DGKB: variants seen among roughly 807,000 people sequenced by gnomAD.
DGKB encodes 90 kDa diacylglycerol kinase.
DGKB carries 67 observed loss-of-function variants against 114.3 expected under a neutral mutation model. The ratio of observed to expected loss-of-function variants is 0.59; its 90% CI spans 0.48 to 0.72. The LOEUF is 0.72. Ranked by LOEUF, DGKB falls within the 30% of genes least tolerant of loss-of-function variation. DGKB has a pLI of 0.00. For missense variants in DGKB, 907 were observed against 975.2 expected (o/e 0.93, Z 0.93); for synonymous variants, 398 against 323.1 (o/e 1.23, Z -2.49).
At chr7:14,963,608 C>T (rs539791385) in intron 1 of DGKB, among the ~76,000 whole-genome samples, 3 of 152,250 alleles carry the variant, frequency 2.0e-5, no homozygotes, top group East Asian at 3.9e-4. Flanking sequence ...TGGTCGTCTG[C>T]CTGTTGAGAA....
At chr7:14,821,633 A>G (rs1287038882) in intron 2 of DGKB, among the ~76,000 whole-genome samples, 2 of 152,224 alleles carry the variant, frequency 1.3e-5, no homozygotes, top group African/African-American at 4.8e-5. Context: ...TGGGTTTGAA[A>G]GGTGGGCCAG....
chr7:14,244,038 A>AGAGAGAGAGAGAGAGG (rs772095828), intron 23 of DGKB, among the ~76,000 whole-genome samples: 36 of 139,466 alleles, frequency 2.6e-4, no homozygotes, highest in Non-Finnish European at 5.8e-4. Context: ...AGAGAGAGAC[A>AGAGAGAGAGAGAGAGG]GAGAGAGAGA....
At chr7:14,258,943 C>G (rs903433015) in intron 23 of DGKB, among the ~76,000 whole-genome samples, 14 of 152,082 alleles carry the variant, frequency 9.2e-5, no homozygotes, top group African/African-American at 3.4e-4. Flanking sequence ...AAAATTTTGA[C>G]TCTTAAAGCC....
chr7:14,763,659 A>C (rs1836030476), intron 2 of DGKB, among the ~76,000 whole-genome samples: 1 of 152,080 alleles, frequency 6.6e-6, no homozygotes, highest in South Asian at 2.1e-4. Flanking sequence ...AAGAATGTAC[A>C]GTAGTGATTC....
At chr7:14,357,087 A>G (rs1187508252) in intron 21 of DGKB, among the ~76,000 whole-genome samples, 1 of 152,200 alleles carries the variant, frequency 6.6e-6, no homozygotes, top group Non-Finnish European at 1.5e-5. Flanking sequence ...TTTGGGGTGC[A>G]GAGTTCTGTG....
intron 2 of DGKB, among the ~76,000 whole-genome samples, chr7:14,792,510 C>T (rs2128021094): frequency 1.3e-5 from 2 of 152,120 alleles, no homozygotes; most frequent in Non-Finnish European, 2.9e-5. Flanking sequence ...CTGCTTTGGG[C>T]AAAATGAATC....
intron 13 of DGKB, 77 bp from the exon 14 acceptor site, chr7:14,630,345 A>C (rs1809458736): frequency 1.0e-6 from 1 of 1,000,700 alleles, no homozygotes; most frequent in Admixed American, 3.2e-5. Context: ...TTCTCATATC[A>C]TTACATGCCT....
chr7:14,150,084 A>G (rs1781963297), intron 25 of DGKB, among the ~76,000 whole-genome samples: 1 of 152,174 alleles, frequency 6.6e-6, no homozygotes, highest in Non-Finnish European at 1.5e-5. Context: ...TTTAAGATAC[A>G]TTGTAAGATA....
chr7:14,305,610 G>C (rs994688304), intron 23 of DGKB, among the ~76,000 whole-genome samples: 14 of 152,120 alleles, frequency 9.2e-5, no homozygotes, highest in African/African-American at 3.4e-4. Context: ...TTTATTTATA[G>C]TTCTAGTGGC....
At chr7:14,358,031 C>A (rs761806979) in intron 21 of DGKB, among the ~76,000 whole-genome samples, 1 of 152,070 alleles carries the variant, frequency 6.6e-6, no homozygotes, top group African/African-American at 2.4e-5. Context: ...TACATTTTTT[C>A]CTTCATTTCA....
chr7:14,816,623 T>C (rs998480884), intron 2 of DGKB: 4 of 152,152 alleles, frequency 2.6e-5, no homozygotes, highest in African/African-American at 9.7e-5. Context: ...AATCTTAATT[T>C]TCTTGGTTGA....
chr7:14,604,752 A>G (rs1209366134), intron 17 of DGKB, among the ~76,000 whole-genome samples: 2 of 152,114 alleles, frequency 1.3e-5, no homozygotes, highest in Non-Finnish European at 2.9e-5. Flanking sequence ...GGGAGGATTC[A>G]CAAGTGAGCA....
chr7:14,624,238 G>C (rs999238843), intron 14 of DGKB, among the ~76,000 whole-genome samples: 4 of 152,092 alleles, frequency 2.6e-5, no homozygotes, highest in African/African-American at 9.7e-5. Context: ...TGGTGAGTGT[G>C]GAAATAATTT....
chr7:14,854,180 A>C (rs927019110), intron 1 of DGKB, among the ~76,000 whole-genome samples: 6 of 152,136 alleles, frequency 3.9e-5, no homozygotes, highest in African/African-American at 1.2e-4. Context: ...TTAGCCATAC[A>C]CTCTGAACTG....
intron 20 of DGKB, among the ~76,000 whole-genome samples, chr7:14,552,572 C>T (rs1795251634): frequency 6.6e-6 from 1 of 152,108 alleles, no homozygotes; most frequent in South Asian, 2.1e-4. Flanking sequence ...CATTGTTGCA[C>T]ATGTTGCTTG....
chr7:14,447,902 C>T (rs763103614), intron 21 of DGKB, among the ~76,000 whole-genome samples: 6 of 152,034 alleles, frequency 3.9e-5, no homozygotes, highest in Admixed American at 6.6e-5. Context: ...GATTTTTAGA[C>T]GGTGCTTGGT....
At position 14,491,242 on chromosome 7, in the gene DGKB, C is replaced by T. The variant is rs1784558094; in HGVS notation, c.1771-13017G>A. Among the ~76,000 whole-genome samples the T allele has an allele frequency of 2.0e-5, 3 of 151,890 alleles. No individual in the cohort carries two copies. In the South Asian group the frequency reaches 6.2e-4, roughly 32 times the overall value. The stretch of plus-strand genomic sequence containing the variant: ...TGGGGGCTTTTTCCCCTATATTGTC[C>T]TCATGTAGTGAATAAATCTCATGAG... On this transcript the variant is annotated intron_variant, in intron 20 of 25. Transcript: ENST00000402815.
intron 4 of DGKB, among the ~76,000 whole-genome samples, chr7:14,745,486 C>A (rs1833146077): frequency 6.6e-6 from 1 of 152,148 alleles, no homozygotes; most frequent in African/African-American, 2.4e-5. Flanking sequence ...AACCTCTGAC[C>A]CACTCAGGTT....
At chr7:14,241,919 T>TACAC (rs10629429) in intron 23 of DGKB, among the ~76,000 whole-genome samples, 26 of 150,878 alleles carry the variant, frequency 1.7e-4, no homozygotes, top group Admixed American at 4.6e-4. Flanking sequence ...TCAAGATATA[T>TACAC]ACACACACAC....
Sources: gnomAD v4.1 joint callset for allele counts (sites outside exome capture counted in the v4.1 genomes callset) on GRCh38, gnomAD v4.1.1 for gene constraint, MANE v1.5 for transcripts, NCBI Gene and HGNC (gene_info 2026-07-23, HGNC 2026-07-21) for gene names.